SOX5: variants seen among roughly 807,000 people sequenced by gnomAD.
SOX5 encodes the protein SRY-box transcription factor 5.
A neutral mutation model predicts 92.0 loss-of-function variants in SOX5; 9 were observed. The ratio of observed to expected loss-of-function variants is 0.10; its 90% CI spans 0.06 to 0.17. The LOEUF (loss-of-function observed/expected upper bound fraction) is 0.17. Among genes scored for constraint, SOX5 ranks in the 10% least tolerant of loss-of-function variants. SOX5 has a pLI of 1.00. For synonymous variants in SOX5, 344 were observed against 336.3 expected, an observed-to-expected ratio of 1.02 and a Z score of -0.25; for missense variants, 642 against 944.5, an observed-to-expected ratio of 0.68 and a Z score of 4.20.
At chr12:23,697,432 T>C (rs2090032658) in intron 6 of SOX5, among the ~76,000 whole-genome samples, 1 of 152,348 alleles carries the variant, frequency 6.6e-6, no homozygotes, top group Admixed American at 6.5e-5. Context: ...TTAACCTGTT[T>C]CTTTATACTG....
intron 3 of SOX5, among the ~76,000 whole-genome samples, chr12:23,815,569 T>C (rs937963313): frequency 2.0e-5 from 3 of 152,174 alleles, no homozygotes; most frequent in African/African-American, 7.2e-5. Context: ...TGAAAAGAAC[T>C]ACAAAACTTT....
intron 4 of SOX5, among the ~76,000 whole-genome samples, chr12:24,000,774 T>A (rs949302641): frequency 1.6e-4 from 25 of 152,182 alleles, no homozygotes; most frequent in African/African-American, 3.1e-4. Flanking sequence ...AAGATTTTTT[T>A]AAAAAAAGAT....
chr12:23,641,386 T>C (rs2080036082), intron 7 of SOX5, among the ~76,000 whole-genome samples: 1 of 152,190 alleles, frequency 6.6e-6, no homozygotes, highest in South Asian at 2.1e-4. Flanking sequence ...TCTTAAATAA[T>C]ATGGACAAAT....
At chr12:24,422,163 T>G (rs1566123062) in intron 1 of SOX5, among the ~76,000 whole-genome samples, 1 of 152,244 alleles carries the variant, frequency 6.6e-6, no homozygotes, top group Non-Finnish European at 1.5e-5. Context: ...TGAAAGCTAT[T>G]CATTACACTC....
At chr12:23,959,649 C>A (rs550067140) in intron 4 of SOX5, among the ~76,000 whole-genome samples, 2 of 152,132 alleles carry the variant, frequency 1.3e-5, no homozygotes, top group East Asian at 1.9e-4. Flanking sequence ...GAAAGGGCTA[C>A]CCCCTCCATG....
intron 4 of SOX5, among the ~76,000 whole-genome samples, chr12:24,025,309 T>A (rs916227914): frequency 3.3e-5 from 5 of 151,972 alleles, no homozygotes; most frequent in Admixed American, 1.3e-4. Context: ...CTGGTAAACA[T>A]GACTTGTGTC....
In SOX5 at chr12:24,393,109, A is replaced by ACCC. The variant is rs1456648587; in HGVS notation, c.-250-24471_-250-24470insGGG. Among the ~76,000 whole-genome samples the ACCC allele has an allele frequency of 1.3e-5, 2 of 152,192 alleles. No individual in the cohort carries two copies. The highest frequency in any genetic ancestry group is 4.8e-5 in the African/African-American group (2 of 41,424). On this transcript the variant is annotated intron_variant, in intron 1 of 4. Coordinates refer to the SOX5 transcript ENST00000446891. This position sits in a 1 kb window ranked among gnomAD's most constrained non-coding sequence, Gnocchi z 5.0. ...TCTCAACCACCACTCTCCCAATTAT[A>ACCC]ATAAATGAATAAAGTAGATTGAAGC...
chr12:24,530,155 T>C (rs1951063488), intron 1 of SOX5, among the ~76,000 whole-genome samples: 1 of 151,424 alleles, frequency 6.6e-6, no homozygotes, highest in Admixed American at 6.6e-5. Flanking sequence ...CTACATTTCA[T>C]CAACACAAGG....
At chr12:23,984,940 T>G (rs957146114) in intron 4 of SOX5, among the ~76,000 whole-genome samples, 3 of 152,310 alleles carry the variant, frequency 2.0e-5, no homozygotes, top group African/African-American at 7.2e-5. Context: ...ATTTTTTGTG[T>G]GTGAAAAATC....
chr12:23,842,116 A>C (rs2096525886), intron 3 of SOX5, among the ~76,000 whole-genome samples: 1 of 152,164 alleles, frequency 6.6e-6, no homozygotes, highest in Non-Finnish European at 1.5e-5. Flanking sequence ...GTAACTTTGG[A>C]AATGAATGGA....
chr12:23,928,221 CTACAGT>C (rs1940505251), intron 1 of SOX5, among the ~76,000 whole-genome samples: 1 of 152,026 alleles, frequency 6.6e-6, no homozygotes, highest in African/African-American at 2.4e-5. Context: ...AACATAGGAC[CTACAGT>C]AAATCCAAAC....
At chr12:24,009,683 A>C (rs988511172) in intron 4 of SOX5, among the ~76,000 whole-genome samples, 1 of 152,232 alleles carries the variant, frequency 6.6e-6, no homozygotes, top group Non-Finnish European at 1.5e-5. Context: ...ATGAAAGCCA[A>C]AAAGAAAATG....
At chr12:23,683,956 G>A (rs926533003) in intron 6 of SOX5, among the ~76,000 whole-genome samples, 1 of 152,014 alleles carries the variant, frequency 6.6e-6, no homozygotes, top group African/African-American at 2.4e-5. Context: ...TGAGACTGGG[G>A]ATGGGAGAAA....
intron 4 of SOX5, among the ~76,000 whole-genome samples, chr12:24,206,946 C>A (rs1255099212): frequency 6.6e-6 from 1 of 152,224 alleles, no homozygotes; most frequent in South Asian, 2.1e-4. Flanking sequence ...GTGCCGAACA[C>A]CTGTGTCAGC....
intron 1 of SOX5, among the ~76,000 whole-genome samples, chr12:24,537,416 C>A (rs1951737984): frequency 6.6e-6 from 1 of 152,156 alleles, no homozygotes; most frequent in Non-Finnish European, 1.5e-5. Context: ...ATGATAGGTT[C>A]TTTTTAATGT....
At chr12:23,809,726 G>A (rs146071088) in intron 3 of SOX5, among the ~76,000 whole-genome samples, 104 of 146,126 alleles carry the variant, frequency 7.1e-4, no homozygotes, top group Middle Eastern at 3.7e-3. Context: ...AAACTCATTG[G>A]TTCCAGATGG....
At chr12:23,714,042 A>G (rs989450770) in intron 6 of SOX5, among the ~76,000 whole-genome samples, 1 of 151,142 alleles carries the variant, frequency 6.6e-6, no homozygotes, top group African/African-American at 2.4e-5. Flanking sequence ...CAGTGAGCCG[A>G]GATCATGAAA....
chr12:24,268,352 T>C (rs1336903933), intron 3 of SOX5, among the ~76,000 whole-genome samples: 1 of 152,184 alleles, frequency 6.6e-6, no homozygotes, highest in Non-Finnish European at 1.5e-5. Flanking sequence ...TAAGTATTCC[T>C]TTAGCCTGCT....
At chr12:24,424,147 CA>C (rs1444685293) in intron 1 of SOX5, among the ~76,000 whole-genome samples, 1 of 152,074 alleles carries the variant, frequency 6.6e-6, no homozygotes, top group East Asian at 1.9e-4. Context: ...TGAGCATCTC[CA>C]AATTGTTTAG....
Sources: allele counts gnomAD v4.1 joint callset (sites outside exome capture counted in the v4.1 genomes callset), GRCh38; gene constraint gnomAD v4.1.1; non-coding constraint Gnocchi (gnomAD v3.1); transcripts MANE v1.5; gene names NCBI Gene and HGNC (gene_info 2026-07-23, HGNC 2026-07-21).